Variants in ERC2 observed in about 807,000 individuals in gnomAD.
ERC2 encodes ELKS/RAB6-interacting/CAST family member 2, also known as ERC protein 2.
A neutral mutation model predicts 114.8 loss-of-function variants in ERC2; 42 were observed. The observed-to-expected ratio is 0.37, with a 90% CI of 0.29 to 0.47. ERC2 has a LOEUF of 0.47. ERC2 is among the 20% of genes least tolerant of loss of function. The probability of loss-of-function intolerance (pLI) is 0.99; values close to 1 mark genes in which losing one functional copy is unlikely to be tolerated. For synonymous variants in ERC2, 454 were observed against 425.5 expected (o/e 1.07, Z -0.82); for missense variants, 939 against 1,150.7 (o/e 0.82, Z 2.66).
In ERC2 at chr3:55,743,591, AC is replaced by A. The variant is rs1486495457; in HGVS notation, c.2565-8674del. ...TTGCTCATTACTATGTGCCTGATCCACCAAAAAAAAAAAAAAAAAAAAGAAA... is the reference window on the plus strand; with the variant it reads ...TTGCTCATTACTATGTGCCTGATCCACAAAAAAAAAAAAAAAAAAAAGAAA... On this transcript the variant is annotated intron_variant, in intron 14 of 17. Transcript: ENST00000288221. 6.2e-3 allele frequency among the ~76,000 whole-genome samples: 405 copies of A among 65,502 alleles called. 3 individuals are homozygous for A. The highest frequency in any genetic ancestry group is 0.019 in the African/African-American group (384 of 19,958). 43.0% of individuals were successfully genotyped at this position (65,502 alleles called of 152,430 possible). A position where few individuals can be genotyped will look rare whatever the true frequency, so the allele number is the denominator to read the frequency against.
intron 13 of ERC2, among the ~76,000 whole-genome samples, chr3:55,924,072 C>A (rs1355964836): frequency 6.6e-6 from 1 of 152,136 alleles, no homozygotes; most frequent in East Asian, 1.9e-4. Flanking sequence ...ACTCTCTGTT[C>A]ATGCCTTTTC....
intron 6 of ERC2, among the ~76,000 whole-genome samples, chr3:56,107,743 A>G (rs1206726774): frequency 1.3e-5 from 2 of 152,232 alleles, no homozygotes; most frequent in Non-Finnish European, 1.5e-5. Flanking sequence ...AATCTTCTCA[A>G]TCTAACAAAG....
At chr3:56,139,783 C>G in intron 5 of ERC2, 107 bp from the exon 6 acceptor site, 1 of 1,257,698 alleles carries the variant, frequency 8.0e-7, no homozygotes, top group Non-Finnish European at 1.1e-6. Flanking sequence ...GATCAATAAT[C>G]CAACAAGGCA....
intron 2 of ERC2, among the ~76,000 whole-genome samples, chr3:56,305,592 C>A (rs1224937040): frequency 6.7e-6 from 1 of 149,022 alleles, no homozygotes; most frequent in Non-Finnish European, 1.5e-5. Flanking sequence ...AAATAAATAA[C>A]AATAGCAAGT....
intron 17 of ERC2, among the ~76,000 whole-genome samples, chr3:55,570,180 G>A (rs2056625563): frequency 6.6e-6 from 1 of 152,016 alleles, no homozygotes; most frequent in South Asian, 2.1e-4. Context: ...TATATTCATT[G>A]AGTCTCTCCA....
chr3:55,999,732 G>A (rs2071883106), intron 10 of ERC2, among the ~76,000 whole-genome samples: 1 of 151,468 alleles, frequency 6.6e-6, no homozygotes, highest in African/African-American at 2.4e-5. Flanking sequence ...AAAAGCCACT[G>A]GAATAAATAC....
intron 12 of ERC2, among the ~76,000 whole-genome samples, chr3:55,964,072 C>T (rs997593766): frequency 2.0e-5 from 3 of 152,190 alleles, no homozygotes; most frequent in African/African-American, 7.2e-5. Flanking sequence ...TATTTGCTAT[C>T]AGAAATCAAT....
intron 6 of ERC2, among the ~76,000 whole-genome samples, chr3:56,108,840 A>G (rs933506261): frequency 3.9e-5 from 6 of 152,182 alleles, no homozygotes; most frequent in Non-Finnish European, 8.8e-5. Flanking sequence ...TGTAGGATAC[A>G]AGATTAATAA....
chr3:55,775,251 G>T (rs2068505346), intron 14 of ERC2, among the ~76,000 whole-genome samples: 1 of 152,166 alleles, frequency 6.6e-6, no homozygotes, highest in Non-Finnish European at 1.5e-5. Flanking sequence ...GAGAGTGGGG[G>T]TCGGGTGTGG....
chr3:55,769,397 T>A (rs2068040629), intron 14 of ERC2, among the ~76,000 whole-genome samples: 1 of 151,924 alleles, frequency 6.6e-6, no homozygotes, highest in Admixed American at 6.6e-5. Flanking sequence ...CTCTTTTCCC[T>A]CCTTGCTGAA....
intron 11 of ERC2, among the ~76,000 whole-genome samples, chr3:55,991,329 A>T (rs1317366244): frequency 6.6e-6 from 1 of 152,212 alleles, no homozygotes; most frequent in Non-Finnish European, 1.5e-5. Flanking sequence ...GAGGTTATGG[A>T]GTTATGTAGG....
Position 55,619,948 on chromosome 3 carries a change from T to A in ERC2, c.*39+63846A>T, listed in dbSNP as rs572892031. Among the ~76,000 whole-genome samples the A allele has an allele frequency of 1.3e-5, 2 of 152,280 alleles. 1 individual carries two copies. The highest frequency in any genetic ancestry group is 4.2e-4 in the South Asian group (2 of 4,816). ...CCTCTCTAGGGGTTTCAATCAAGGG[T>A]TCTTTGAAGGATTGCTCTCAAATTC... On this transcript the variant is annotated intron_variant, in intron 17 of 17. Transcript: ENST00000288221.
chr3:56,427,388 A>T (rs757224246), intron 2 of ERC2, among the ~76,000 whole-genome samples: 2 of 152,030 alleles, frequency 1.3e-5, no homozygotes, highest in African/African-American at 2.4e-5. Flanking sequence ...GGCCTCCCAA[A>T]GTATTGGGAT....
chr3:55,897,264 T>C (rs979341528), intron 13 of ERC2, among the ~76,000 whole-genome samples: 1 of 152,214 alleles, frequency 6.6e-6, no homozygotes, highest in African/African-American at 2.4e-5. Context: ...CGTGGCAGCT[T>C]CCCATGCTTT....
At chr3:56,362,901 T>C (rs2059011817) in intron 2 of ERC2, among the ~76,000 whole-genome samples, 1 of 152,198 alleles carries the variant, frequency 6.6e-6, no homozygotes, top group African/African-American at 2.4e-5. Flanking sequence ...CTTCTCAAAA[T>C]GCTATCCAGC....
chr3:55,584,013 A>T (rs1489525814), intron 17 of ERC2, among the ~76,000 whole-genome samples: 2 of 152,202 alleles, frequency 1.3e-5, no homozygotes, highest in Admixed American at 6.5e-5. Flanking sequence ...TTTCTTACAC[A>T]TAAAACGGTA....
chr3:55,705,405 T>C lies in ERC2; in HGVS notation c.2713-5893A>G, dbSNP rs77393579. Among the ~76,000 whole-genome samples, 19 of 152,268 alleles carry C rather than the reference T, an allele frequency of 1.2e-4. No individual in the cohort carries two copies. The East Asian group carries it at 3.3e-3, about 26-fold the overall frequency. On this transcript the variant is annotated intron_variant, in intron 15 of 17. Coordinates refer to ENST00000288221, the MANE Select transcript of ERC2 (RefSeq NM_015576.3). ...AATGTGAGATATGCAAGTGTGTGTATGTGTGCGGGCTTCCTTCATTCCTTT... is the reference window on the plus strand; with the variant it reads ...AATGTGAGATATGCAAGTGTGTGTACGTGTGCGGGCTTCCTTCATTCCTTT...
At chr3:56,451,298 T>C (rs1323570527) in intron 1 of ERC2, among the ~76,000 whole-genome samples, 1 of 151,984 alleles carries the variant, frequency 6.6e-6, no homozygotes, top group African/African-American at 2.4e-5. Context: ...TACGTGTAAA[T>C]AGCTTTTTAC....
intron 17 of ERC2, among the ~76,000 whole-genome samples, chr3:55,578,127 C>G (rs2057080249): frequency 6.6e-6 from 1 of 152,212 alleles, no homozygotes; most frequent in Non-Finnish European, 1.5e-5. Flanking sequence ...TTCCCAGCAT[C>G]TCTCATCTGA....
Sources: allele counts gnomAD v4.1 joint callset (sites outside exome capture counted in the v4.1 genomes callset), GRCh38; gene constraint gnomAD v4.1.1; transcripts MANE v1.5; gene names NCBI Gene and HGNC (gene_info 2026-07-23, HGNC 2026-07-21).